The following NBAS variants were observed in gnomAD, a reference collection of about 807,000 sequenced individuals.
NBAS encodes NAG/BC035112 fusion.
NBAS carries 219 observed loss-of-function variants against 302.5 expected under a neutral mutation model. The ratio of observed to expected loss-of-function variants is 0.72; its 90% CI spans 0.65 to 0.81. The LOEUF (loss-of-function observed/expected upper bound fraction) is 0.81, where lower values mean the gene tolerates loss of function less well. Among genes scored for constraint, NBAS ranks in the 30% least tolerant of loss-of-function variants. The probability of loss-of-function intolerance (pLI) is 0.00; values close to 1 mark genes in which losing one functional copy is unlikely to be tolerated. For synonymous variants in NBAS, 1,118 were observed against 1,021.6 expected (o/e 1.09, Z -1.80); for missense variants, 2,932 against 2,841.6 (o/e 1.03, Z -0.72).
the NBAS span, among the ~76,000 whole-genome samples, chr2:14,937,305 G>A: frequency 2.0e-5 from 3 of 152,196 alleles, no homozygotes; most frequent in Admixed American, 1.3e-4. Flanking sequence ...CAGGTGTACT[G>A]TGCACTGGTT....
the NBAS span, among the ~76,000 whole-genome samples, chr2:14,950,522 C>T: frequency 1.3e-5 from 2 of 152,306 alleles, no homozygotes; most frequent in East Asian, 3.9e-4. Flanking sequence ...TACCCCAAAA[C>T]TATGTACACC....
chr2:15,553,369 T>G (rs1019371353), intron 5 of NBAS, 57 bp downstream of exon 5: 13 of 1,448,374 alleles, frequency 9.0e-6, no homozygotes, highest in Non-Finnish European at 1.1e-5. Context: ...TTTCCATTTA[T>G]AGAGTAACAA....
chr2:15,390,138 A>C (rs1423538614), intron 28 of NBAS, among the ~76,000 whole-genome samples: 1 of 152,204 alleles, frequency 6.6e-6, no homozygotes, highest in African/African-American at 2.4e-5. Flanking sequence ...GGGGAAAAAG[A>C]AAACATGTCA....
the NBAS span, among the ~76,000 whole-genome samples, chr2:14,941,189 T>C: frequency 6.6e-6 from 1 of 151,936 alleles, no homozygotes; most frequent in Non-Finnish European, 1.5e-5. Context: ...GGAAGGCTCA[T>C]AACCACCCAC....
At chr2:14,956,811 G>A in the NBAS span, among the ~76,000 whole-genome samples, 3 of 152,180 alleles carry the variant, frequency 2.0e-5, no homozygotes, top group Non-Finnish European at 4.4e-5. Flanking sequence ...GGGATTACAG[G>A]AACTACAATT....
intron 5 of NBAS, among the ~76,000 whole-genome samples, chr2:15,552,631 T>C (rs1239063268): frequency 2.0e-5 from 3 of 152,156 alleles, no homozygotes; most frequent in African/African-American, 4.8e-5. Context: ...ATAAAACACC[T>C]GAAAAGTCCA....
chr2:14,906,271 G>A, the NBAS span, among the ~76,000 whole-genome samples: 84,250 of 152,032 alleles, frequency 0.55, 23,947 homozygotes, highest in African/African-American at 0.66. Context: ...TCTAATCCTA[G>A]AAGTAACTCT....
At chr2:14,797,248 T>C in the NBAS span, among the ~76,000 whole-genome samples, 26 of 152,192 alleles carry the variant, frequency 1.7e-4, no homozygotes, top group African/African-American at 5.3e-4. Context: ...AGTAAAACTC[T>C]TCTCTGCCCT....
chr2:15,338,577 ACCATGGAC>A (rs1672698782), intron 35 of NBAS, among the ~76,000 whole-genome samples: 1 of 152,004 alleles, frequency 6.6e-6, no homozygotes, highest in South Asian at 2.1e-4. Context: ...ATGTTTAGGG[ACCATGGAC>A]TCCTGTACAT....
chr2:15,336,557 C>T (rs1672594832), intron 35 of NBAS, among the ~76,000 whole-genome samples: 1 of 152,064 alleles, frequency 6.6e-6, no homozygotes, highest in Non-Finnish European at 1.5e-5. Context: ...CTGGTGAAAC[C>T]CCGTCTCTAC....
At chr2:15,163,001 C>T (rs1419336273), downstream of NBAS, among the ~76,000 whole-genome samples, 5 of 152,176 alleles carry the variant, frequency 3.3e-5, no homozygotes, top group Admixed American at 1.3e-4. Flanking sequence ...AGACCCAGTT[C>T]TCAAGGTGAG....
the NBAS span, among the ~76,000 whole-genome samples, chr2:15,095,905 T>C: frequency 6.6e-6 from 1 of 152,180 alleles, no homozygotes; most frequent in East Asian, 1.9e-4. Flanking sequence ...TGACAGTGTC[T>C]TGGAGACACT....
At chr2:15,149,255 C>T in the NBAS span, among the ~76,000 whole-genome samples, 1 of 152,164 alleles carries the variant, frequency 6.6e-6, no homozygotes, top group Admixed American at 6.5e-5. Context: ...TGCCCTCTTG[C>T]CCTTCCGCTT....
intron 45 of NBAS, among the ~76,000 whole-genome samples, chr2:15,237,607 T>TTTAA (rs1553349161): frequency 6.9e-6 from 1 of 144,050 alleles, no homozygotes; most frequent in Non-Finnish European, 1.5e-5. Context: ...TATTTATTTA[T>TTTAA]TTATCTGAGA....
At chr2:15,069,380 C>T in the NBAS span, among the ~76,000 whole-genome samples, 2 of 152,208 alleles carry the variant, frequency 1.3e-5, no homozygotes, top group African/African-American at 2.4e-5. Flanking sequence ...TTCCTTCAGT[C>T]ATGGCAAAAG....
rs1380995923 is a variant in NBAS, at chr2:15,374,621, G to A, written c.3690C>T (p.Ile1230=). 8.1e-6 allele frequency: 13 copies of A among 1,613,430 alleles called. No homozygotes were observed. Among genetic ancestry groups the A allele is most frequent in the Non-Finnish European group, 1.1e-5 (13 of 1,179,544 alleles). Residue 1230 remains isoleucine, a synonymous_variant, in exon 31 of 52, where the codon ATC becomes ATT. Transcript: ENST00000281513. ...TAGAAAACTCACCTTGCAAAGGCAG[G>A]ATCTTTACCCCAAATTCTTCAAGAC... ...VGCLEEFGVK[I]LPLQVRLCPD... is the part of the protein sequence containing the mutation.
intron 44 of NBAS, 125 bp from the exon 45 acceptor site, chr2:15,238,811 C>T: frequency 1.3e-6 from 1 of 765,078 alleles, no homozygotes; most frequent in Non-Finnish European, 2.0e-6. Context: ...ATAAATAGCA[C>T]TTGTTATACT....
chr2:14,888,316 A>C, the NBAS span, among the ~76,000 whole-genome samples: 1 of 152,036 alleles, frequency 6.6e-6, no homozygotes, highest in Non-Finnish European at 1.5e-5. Context: ...TTTTTAGTAG[A>C]GACAAGGTTT....
the NBAS span, among the ~76,000 whole-genome samples, chr2:15,059,947 TAA>T: frequency 7.4e-4 from 37 of 50,108 alleles, 2 homozygotes; most frequent in African/African-American, 2.0e-3. Flanking sequence ...GCAGTGCTGC[TAA>T]AAAAAAAAAA....
Sources: gnomAD v4.1 joint callset for allele counts (sites outside exome capture counted in the v4.1 genomes callset) on GRCh38, gnomAD v4.1.1 for gene constraint, MANE v1.5 for transcripts, NCBI Gene and HGNC (gene_info 2026-07-23, HGNC 2026-07-21) for gene names.